Variants in TACR3 observed in about 807,000 individuals in gnomAD.
The protein encoded by TACR3 is neuromedin-K receptor.
Under a neutral mutation model 35.0 loss-of-function variants are expected in TACR3, and 34 were observed. The observed-to-expected ratio is 0.97, with a 90% CI of 0.74 to 1.30. TACR3 has a LOEUF of 1.30. TACR3 is among the 50% of genes most tolerant of loss of function. TACR3 has a pLI of 0.00. For missense variants in TACR3, 558 were observed against 591.7 expected (o/e 0.94, Z 0.59); for synonymous variants, 233 against 221.1 (o/e 1.05, Z -0.48).
chr4:103,670,165 T>C (rs1726026349), intron 1 of TACR3, among the ~76,000 whole-genome samples: 2 of 152,064 alleles, frequency 1.3e-5, no homozygotes, highest in South Asian at 4.1e-4. Context: ...TATTTCATGG[T>C]TCTCTATTCT....
Position 103,719,766 on chromosome 4 carries a change from C to T in TACR3, c.-91G>A. 1.3e-6 allele frequency: 2 copies of T among 1,526,348 alleles called. No homozygotes were observed. The highest frequency in any genetic ancestry group is 2.3e-5 in the East Asian group (1 of 42,666). The allele number at this position is 1,526,348 out of a possible 1,614,324, so 94.6% of individuals were successfully genotyped here. On this transcript the variant is annotated 5_prime_UTR_variant, in exon 1 of 5. It adds an upstream start codon to the 5' untranslated region. Coordinates refer to ENST00000304883, the MANE Select transcript of TACR3 (RefSeq NM_001059.3). ...GAAGTTCTTCTCTGCCTCCTGGTCA[C>T]TTTGGTGCCGGAGTCTTCAGATAAG...
intron 1 of TACR3, among the ~76,000 whole-genome samples, chr4:103,709,922 A>G (rs1355618446): frequency 3.9e-5 from 6 of 152,210 alleles, no homozygotes; most frequent in Admixed American, 6.5e-5. Context: ...AGGCCATTAC[A>G]TAATGGTAAA....
At chr4:103,717,485 A>G (rs1329566498) in intron 1 of TACR3, among the ~76,000 whole-genome samples, 1 of 152,174 alleles carries the variant, frequency 6.6e-6, no homozygotes, top group Non-Finnish European at 1.5e-5. Flanking sequence ...AGACAATCCC[A>G]TAAATGTTGG....
intron 3 of TACR3, among the ~76,000 whole-genome samples, chr4:103,654,112 G>C (rs377386307): frequency 0.15 from 22,258 of 149,142 alleles, 1,860 homozygotes; most frequent in African/African-American, 0.17. Context: ...CTGTAAACTA[G>C]TTCAGCCATT....
chr4:103,634,939 G>C (rs1048720512), intron 3 of TACR3, among the ~76,000 whole-genome samples: 1 of 151,994 alleles, frequency 6.6e-6, no homozygotes, highest in African/African-American at 2.4e-5. Flanking sequence ...GCATTGTTGG[G>C]AGTGTAAAAT....
intron 1 of TACR3, among the ~76,000 whole-genome samples, chr4:103,669,485 C>G (rs1227402413): frequency 2.0e-5 from 3 of 152,108 alleles, no homozygotes; most frequent in South Asian, 2.1e-4. Flanking sequence ...TTCCTTTGTT[C>G]TGCATCCTCA....
intron 3 of TACR3, among the ~76,000 whole-genome samples, chr4:103,608,638 T>C (rs1283868633): frequency 6.6e-6 from 1 of 152,138 alleles, no homozygotes; most frequent in Non-Finnish European, 1.5e-5. Flanking sequence ...GATAATTTTC[T>C]AAAATTAAAC....
chr4:103,632,670 TAAAG>T (rs201098138), intron 3 of TACR3, among the ~76,000 whole-genome samples: 2,221 of 148,786 alleles, frequency 0.015, 47 homozygotes, highest in African/African-American at 0.051. Flanking sequence ...TTTGAAGAAA[TAAAG>T]AAAAAGAAAT....
At chr4:103,691,659 A>G (rs1722403746) in intron 1 of TACR3, among the ~76,000 whole-genome samples, 2 of 152,202 alleles carry the variant, frequency 1.3e-5, no homozygotes, top group Admixed American at 6.5e-5. Context: ...TAACATATTC[A>G]TAATGGCCCT....
rs145637755 is a variant in TACR3 at position 103,661,514 on chromosome 4, GT to G, written c.549-3112del. On this transcript the variant is annotated intron_variant, in intron 1 of 4. Coordinates refer to ENST00000304883, the MANE Select transcript of TACR3 (RefSeq NM_001059.3). ...TGAATGTGATTTAGGTATTTAGACA[GT>G]TGATTTTCTGAGAGTAAAGGGAGAA... 8.3e-3 allele frequency among the ~76,000 whole-genome samples: 1,258 copies of G among 152,210 alleles called. 19 individuals carry two copies. Among genetic ancestry groups the G allele is most frequent in the African/African-American group, 0.029 (1,198 of 41,536 alleles).
At chr4:103,667,189 C>T (rs1261140230) in intron 1 of TACR3, among the ~76,000 whole-genome samples, 1 of 152,006 alleles carries the variant, frequency 6.6e-6, no homozygotes, top group African/African-American at 2.4e-5. Flanking sequence ...ACCCAGGAGG[C>T]GGAGGTTGCA....
At chr4:103,598,316 T>C (rs1186047344) in intron 3 of TACR3, among the ~76,000 whole-genome samples, 1 of 152,238 alleles carries the variant, frequency 6.6e-6, no homozygotes, top group Non-Finnish European at 1.5e-5. Context: ...TTTTTTCTTG[T>C]AAATTTGTTT....
At chr4:103,617,517 G>A (rs925802311) in intron 3 of TACR3, among the ~76,000 whole-genome samples, 4 of 152,014 alleles carry the variant, frequency 2.6e-5, no homozygotes. Context: ...AATTTTGGGG[G>A]ACTTCTAAGC....
At chr4:103,695,926 T>C (rs765106693) in intron 1 of TACR3, among the ~76,000 whole-genome samples, 7 of 152,302 alleles carry the variant, frequency 4.6e-5, no homozygotes, top group African/African-American at 1.4e-4. Context: ...TATGTGTTAA[T>C]AGTTTTCAGT....
At chr4:103,595,569 G>A (rs539379384) in intron 3 of TACR3, among the ~76,000 whole-genome samples, 2 of 152,158 alleles carry the variant, frequency 1.3e-5, no homozygotes, top group East Asian at 3.9e-4. Context: ...GATTAGAACT[G>A]AAATGCCTAC....
chr4:103,704,999 T>C (rs1313117616), intron 1 of TACR3, among the ~76,000 whole-genome samples: 1 of 152,200 alleles, frequency 6.6e-6, no homozygotes, highest in Non-Finnish European at 1.5e-5. Flanking sequence ...TTTTGGATGC[T>C]CTATAATTTG....
chr4:103,629,875 A>C lies in TACR3; in HGVS notation c.888+26319T>G, dbSNP rs543587792. Among the ~76,000 whole-genome samples the C allele has an allele frequency of 3.1e-4, 40 of 127,478 alleles. 1 individual carries two copies. Among genetic ancestry groups the C allele is most frequent in the African/African-American group, 1.1e-3 (36 of 33,228 alleles). 83.6% of individuals were successfully genotyped at this position (127,478 alleles called of 152,430 possible). On this transcript the variant is annotated intron_variant, in intron 3 of 4. Coordinates refer to ENST00000304883, the MANE Select transcript of TACR3 (RefSeq NM_001059.3). ...CAAAAAAAAAACAAAAAAAAAACAA[A>C]AAAAACAACAACAACAACAAAAAAA...
At chr4:103,615,677 G>A (rs1275098505) in intron 3 of TACR3, among the ~76,000 whole-genome samples, 2 of 151,982 alleles carry the variant, frequency 1.3e-5, no homozygotes, top group Non-Finnish European at 1.5e-5. Flanking sequence ...TAGTTGTACT[G>A]GAAAATTAGA....
chr4:103,602,651 C>T (rs967293281), intron 3 of TACR3, among the ~76,000 whole-genome samples: 3 of 152,154 alleles, frequency 2.0e-5, no homozygotes, highest in Non-Finnish European at 4.4e-5. Flanking sequence ...GCCTAGAGGT[C>T]CACTGCAGAC....
Sources: gnomAD v4.1 joint callset for allele counts (sites outside exome capture counted in the v4.1 genomes callset) on GRCh38, gnomAD v4.1.1 for gene constraint, MANE v1.5 for transcripts, NCBI Gene and HGNC (gene_info 2026-07-23, HGNC 2026-07-21) for gene names.